WWTR1: variants seen among roughly 807,000 people sequenced by gnomAD.
WWTR1 encodes the protein WW domain containing transcription regulator 1.
In WWTR1, 13 loss-of-function variants were observed where a neutral mutation model predicts 40.1. The observed-to-expected ratio is 0.32, with a 90% CI of 0.21 to 0.52. The LOEUF is 0.52. Ranked by LOEUF, WWTR1 falls within the 20% of genes least tolerant of loss-of-function variation. The pLI is 0.97. For synonymous variants in WWTR1, 230 were observed against 210.1 expected (o/e 1.09, Z -0.82); for missense variants, 436 against 523.1 (o/e 0.83, Z 1.63).
chr3:149,605,274 G>C (rs1326895178), intron 2 of WWTR1, among the ~76,000 whole-genome samples: 1 of 152,142 alleles, frequency 6.6e-6, no homozygotes, highest in Non-Finnish European at 1.5e-5. Flanking sequence ...CATGAGAGTG[G>C]ATCAGAGGAG....
At chr3:149,612,123 C>A (rs1036861902) in intron 2 of WWTR1, among the ~76,000 whole-genome samples, 3 of 152,160 alleles carry the variant, frequency 2.0e-5, no homozygotes, top group African/African-American at 7.2e-5. Flanking sequence ...AAGGTTACCA[C>A]CTGGACTGTA....
intron 2 of WWTR1, among the ~76,000 whole-genome samples, chr3:149,614,121 G>A (rs991878354): frequency 4.6e-5 from 7 of 152,078 alleles, no homozygotes; most frequent in Non-Finnish European, 7.3e-5. Flanking sequence ...TTTCATCTGG[G>A]AAAATCAGTT....
intron 2 of WWTR1, among the ~76,000 whole-genome samples, chr3:149,653,898 A>T (rs895004618): frequency 4.6e-5 from 7 of 152,160 alleles, no homozygotes; most frequent in Admixed American, 4.6e-4. Context: ...TAAACTAAAC[A>T]AAATTGACCC....
chr3:149,616,860 A>G (rs552433268), intron 2 of WWTR1, among the ~76,000 whole-genome samples: 2 of 152,204 alleles, frequency 1.3e-5, no homozygotes, highest in Non-Finnish European at 2.9e-5. Flanking sequence ...GTACTTATTC[A>G]TTACTACATC....
intron 2 of WWTR1, among the ~76,000 whole-genome samples, chr3:149,597,063 C>T (rs1436442373): frequency 2.0e-5 from 3 of 152,130 alleles, no homozygotes; most frequent in Non-Finnish European, 4.4e-5. Flanking sequence ...GTTAATAAAG[C>T]ATGCAAAGCT....
chr3:149,694,795 C>T (rs1017786049), intron 1 of WWTR1, among the ~76,000 whole-genome samples: 3 of 152,202 alleles, frequency 2.0e-5, no homozygotes, highest in South Asian at 2.1e-4. Context: ...TATGATCCAG[C>T]AATCCCACTG....
intron 2 of WWTR1, among the ~76,000 whole-genome samples, chr3:149,651,532 A>G (rs977220609): frequency 6.6e-6 from 1 of 152,254 alleles, no homozygotes; most frequent in Non-Finnish European, 1.5e-5. Context: ...TGAGATCATA[A>G]TAATGGCAAA....
At chr3:149,620,680 T>C (rs1040190040) in intron 2 of WWTR1, among the ~76,000 whole-genome samples, 1 of 152,008 alleles carries the variant, frequency 6.6e-6, no homozygotes, top group Non-Finnish European at 1.5e-5. Flanking sequence ...CACAAATGCC[T>C]AGATCATTTT....
At chr3:149,714,496 G>A (rs191464355) in intron 5 of WWTR1, among the ~76,000 whole-genome samples, 4 of 152,340 alleles carry the variant, frequency 2.6e-5, no homozygotes, top group East Asian at 1.9e-4. Flanking sequence ...CTGGGTGTGC[G>A]CAGGCTCAGG....
At chr3:149,681,913 T>C (rs1395761367) in intron 1 of WWTR1, among the ~76,000 whole-genome samples, 2 of 151,872 alleles carry the variant, frequency 1.3e-5, no homozygotes, top group African/African-American at 4.8e-5. Context: ...AAACAGGGAG[T>C]TGCTAAAGTT....
intron 1 of WWTR1, among the ~76,000 whole-genome samples, chr3:149,681,958 G>A (rs1215311416): frequency 2.0e-5 from 3 of 152,100 alleles, no homozygotes; most frequent in East Asian, 3.8e-4. Flanking sequence ...CTAGAAAGCT[G>A]CTGTACAACA....
At position 149,645,141 on chromosome 3, in the gene WWTR1, G is replaced by A. The variant is rs540116214; in HGVS notation, c.431+11735C>T. 5.8e-4 allele frequency among the ~76,000 whole-genome samples: 60 copies of A among 104,194 alleles called. No homozygotes were observed. In the East Asian group the frequency reaches 9.6e-3, roughly 17 times the overall value. The allele number at this position is 104,194 out of a possible 152,430, so 68.4% of individuals were successfully genotyped here. A position where few individuals can be genotyped will look rare whatever the true frequency, so the allele number is the denominator to read the frequency against. ...GTCGCCCAGGCTGGAGTGCAGTGGC[G>A]CGATCTCAGCTCACTACAAGCTCTG... On this transcript the variant is annotated intron_variant, in intron 2 of 6. Transcript: ENST00000360632.
At chr3:149,611,985 T>A (rs953746929) in intron 2 of WWTR1, among the ~76,000 whole-genome samples, 1 of 152,192 alleles carries the variant, frequency 6.6e-6, no homozygotes, top group African/African-American at 2.4e-5. Context: ...CTATTCCTAC[T>A]TGACAAATGA....
chr3:149,650,022 A>G (rs1489905656), intron 2 of WWTR1: 1 of 151,792 alleles, frequency 6.6e-6, no homozygotes, highest in Non-Finnish European at 1.5e-5. Context: ...TCGGCCCCCC[A>G]AAGTGATAAG....
intron 3 of WWTR1, among the ~76,000 whole-genome samples, chr3:149,560,218 A>G (rs914452529): frequency 1.3e-5 from 2 of 152,244 alleles, no homozygotes; most frequent in Non-Finnish European, 1.5e-5. Context: ...GGCGAAAGCC[A>G]TCTGATTTTA....
intron 4 of WWTR1, chr3:149,540,155 G>T (rs1479675562): frequency 4.4e-6 from 2 of 453,872 alleles, no homozygotes; most frequent in African/African-American, 4.0e-5. Context: ...GAGTCCCTGT[G>T]AGCAAATCTG....
At chr3:149,623,418 C>A (rs1740406651) in intron 2 of WWTR1, among the ~76,000 whole-genome samples, 2 of 151,922 alleles carry the variant, frequency 1.3e-5, no homozygotes, top group South Asian at 4.2e-4. Context: ...GGGAAAGAAC[C>A]TAAATGCTCA....
chr3:149,577,599 T>A (rs1173041120), intron 2 of WWTR1, among the ~76,000 whole-genome samples: 2 of 152,024 alleles, frequency 1.3e-5, no homozygotes, highest in African/African-American at 4.8e-5. Context: ...AAGCATGGAG[T>A]TTGCTAAGGG....
rs1287718383 is a variant in WWTR1 at position 149,519,422 on chromosome 3, A to G, written c.*1383T>C. ...GAGATCTGCTTCATCCTTCAGTTTC[A>G]TAGATAGAATTATTTTAAACACTTG... On this transcript the variant is annotated 3_prime_UTR_variant, in exon 7 of 7. Coordinates refer to ENST00000360632, the MANE Select transcript of WWTR1 (RefSeq NM_015472.6). 2 of 152,174 alleles carry G rather than the reference A, an allele frequency of 1.3e-5. No homozygotes were observed. The highest frequency in any genetic ancestry group is 2.9e-5 in the Non-Finnish European group (2 of 68,032). The allele number at this position is 152,174 out of a possible 1,614,324, so 9.4% of individuals were successfully genotyped here.
Sources: allele counts gnomAD v4.1 joint callset (sites outside exome capture counted in the v4.1 genomes callset), GRCh38; gene constraint gnomAD v4.1.1; transcripts MANE v1.5; gene names NCBI Gene and HGNC (gene_info 2026-07-23, HGNC 2026-07-21).